Variants in STK4 observed in about 807,000 individuals in gnomAD.
STK4 encodes the protein serine/threonine kinase 4, also known as serine/threonine-protein kinase 4.
In STK4, 30 loss-of-function variants were observed where a neutral mutation model predicts 64.9. The observed-to-expected ratio is 0.46, with a 90% confidence interval of 0.35 to 0.63. STK4 has a LOEUF of 0.63. Among genes scored for constraint, STK4 ranks in the 20% least tolerant of loss-of-function variants. STK4 has a pLI of 0.01. For missense variants in STK4, 466 were observed against 598.5 expected, an observed-to-expected ratio of 0.78 and a Z score of 2.31; for synonymous variants, 177 against 199.0, an observed-to-expected ratio of 0.89 and a Z score of 0.93.
chr20:45,006,874 T>C (rs910401095), intron 9 of STK4, among the ~76,000 whole-genome samples: 3 of 152,218 alleles, frequency 2.0e-5, no homozygotes, highest in African/African-American at 7.2e-5. Flanking sequence ...TTAACAGGTA[T>C]GTCTTGCCTT....
chr20:45,002,821 A>G (rs910437760), intron 9 of STK4, among the ~76,000 whole-genome samples: 1 of 152,156 alleles, frequency 6.6e-6, no homozygotes, highest in Non-Finnish European at 1.5e-5. Flanking sequence ...AGTAAGGGGT[A>G]AAAAAGATTC....
At chr20:44,978,387 CT>C in intron 2 of STK4, 55 bp from the exon 3 acceptor site, 2 of 1,572,438 alleles carry the variant, frequency 1.3e-6, no homozygotes, top group East Asian at 4.6e-5. Flanking sequence ...TTTACCACTT[CT>C]TATATCTTGG....
intron 10 of STK4, among the ~76,000 whole-genome samples, chr20:45,030,963 G>A (rs1264271970): frequency 6.6e-6 from 1 of 152,132 alleles, no homozygotes; most frequent in Admixed American, 6.5e-5. Context: ...TTGGGAGGCT[G>A]AGGTGGAAGG....
chr20:45,042,026 C>T (rs1159243137), intron 10 of STK4, among the ~76,000 whole-genome samples: 1 of 152,152 alleles, frequency 6.6e-6, no homozygotes, highest in African/African-American at 2.4e-5. Flanking sequence ...AGAAAAACAA[C>T]TGTAACTTCA....
At chr20:45,072,886 T>C (rs1051466888) in intron 10 of STK4, among the ~76,000 whole-genome samples, 1 of 152,240 alleles carries the variant, frequency 6.6e-6, no homozygotes, top group African/African-American at 2.4e-5. Flanking sequence ...ATTTGTGGAA[T>C]ATTTACTATC....
At chr20:44,980,720 G>A (rs906896931) in intron 3 of STK4, among the ~76,000 whole-genome samples, 5 of 152,198 alleles carry the variant, frequency 3.3e-5, no homozygotes, top group African/African-American at 9.7e-5. Flanking sequence ...CCAGGCTGGA[G>A]TGCAGTGGCG....
At chr20:45,020,647 A>G (rs1254668470) in intron 9 of STK4, among the ~76,000 whole-genome samples, 1 of 152,074 alleles carries the variant, frequency 6.6e-6, no homozygotes, top group African/African-American at 2.4e-5. Flanking sequence ...TAGGCAGGCA[A>G]TTCTGGTCTG....
At chr20:44,974,862 G>A (rs945637734) in intron 2 of STK4, 3 of 152,200 alleles carry the variant, frequency 2.0e-5, no homozygotes, top group Non-Finnish European at 2.9e-5. Context: ...AAAAACTGTT[G>A]GATTCTGGAG....
In STK4 at chr20:44,987,256, A is replaced by G. The variant is rs2067545836; in HGVS notation, c.485A>G (p.His162Arg). Residue 162 changes from histidine (H) to arginine (R), a missense_variant, in exon 5 of 11, where the codon CAT (histidine) becomes CGT (arginine). Around this residue, in one of 2 missense-constraint regions of STK4, gnomAD observed 190 missense variants for 289.7 expected, o/e 0.66. Transcript: ENST00000372806. ...AATATTTTGCTAAATACAGAAGGAC[A>G]TGCAAAACTTGCAGATTTTGGGGTA... ...AGNILLNTEG[H>R]AKLADFGVAG... 6.2e-7 allele frequency: 1 copy of G among 1,610,380 alleles called. No homozygotes were observed. The highest frequency in any genetic ancestry group is 8.5e-7 in the Non-Finnish European group (1 of 1,179,062).
chr20:45,059,357 C>T (rs929317352), intron 10 of STK4, among the ~76,000 whole-genome samples: 1 of 152,172 alleles, frequency 6.6e-6, no homozygotes, highest in African/African-American at 2.4e-5. Flanking sequence ...ATCATGGTTT[C>T]TCTTCGGCAT....
chr20:45,057,122 G>A (rs755269200), intron 10 of STK4, among the ~76,000 whole-genome samples: 27 of 152,174 alleles, frequency 1.8e-4, no homozygotes, highest in Non-Finnish European at 3.2e-4. Context: ...CTCCCAAAAC[G>A]TTAGGATAGG....
intron 10 of STK4, among the ~76,000 whole-genome samples, chr20:45,053,602 G>C (rs989234418): frequency 6.6e-6 from 1 of 152,186 alleles, no homozygotes; most frequent in African/African-American, 2.4e-5. Context: ...CTGTTCCATA[G>C]TTAACTTCTG....
intron 10 of STK4, among the ~76,000 whole-genome samples, chr20:45,049,430 A>G (rs1363215035): frequency 1.3e-5 from 2 of 152,222 alleles, no homozygotes; most frequent in African/African-American, 4.8e-5. Flanking sequence ...CACATTGGGA[A>G]GAAATGTTCC....
intron 9 of STK4, among the ~76,000 whole-genome samples, chr20:45,007,524 G>A (rs1489845279): frequency 2.0e-5 from 3 of 150,982 alleles, no homozygotes; most frequent in Non-Finnish European, 2.9e-5. Context: ...TCCAGCCCGG[G>A]TGACAGAGCG....
At position 44,987,183 on chromosome 20, in the gene STK4, G is replaced by A. The variant is rs2083521233; in HGVS notation, c.412G>A (p.Glu138Lys). The change falls in exon 5 of 11, where the codon GAA (glutamate) becomes AAA (lysine). Residue 138 changes from glutamate (E) to lysine (K), a missense_variant. Transcript: ENST00000372806. ...TILQSTLKGL[E>K]YLHFMRKIHR... ...ATTACAATCAACTCTTAAGGGACTT[G>A]AATACCTTCATTTTATGAGAAAAAT... The A allele has an allele frequency of 6.2e-7, 1 of 1,610,944 alleles. No homozygotes were observed. Among genetic ancestry groups the A allele is most frequent in the Non-Finnish European group, 8.5e-7 (1 of 1,178,446 alleles).
chr20:45,028,116 A>G (rs993499556), intron 10 of STK4, among the ~76,000 whole-genome samples: 1 of 152,128 alleles, frequency 6.6e-6, no homozygotes, highest in Non-Finnish European at 1.5e-5. Flanking sequence ...TTTCTTTTGG[A>G]TATATGCCCA....
chr20:45,045,019 TGTATTAA>T (rs1384917705), intron 10 of STK4, among the ~76,000 whole-genome samples: 1 of 152,298 alleles, frequency 6.6e-6, no homozygotes, highest in Non-Finnish European at 1.5e-5. Context: ...CGGTTCATTG[TGTATTAA>T]GTATTATCAC....
intron 10 of STK4, among the ~76,000 whole-genome samples, chr20:45,072,143 G>A (rs1366511118): frequency 6.6e-6 from 1 of 152,148 alleles, no homozygotes; most frequent in Non-Finnish European, 1.5e-5. Flanking sequence ...TGGGGCTCAG[G>A]AATCTGTGTT....
At chr20:45,063,992 G>T (rs6031966) in intron 10 of STK4, among the ~76,000 whole-genome samples, 66,111 of 151,606 alleles carry the variant, frequency 0.44, 15,001 homozygotes, top group Middle Eastern at 0.54. Context: ...TATGTTTTAG[G>T]AGAGACGGGG....
Sources: gnomAD v4.1 joint callset for allele counts (sites outside exome capture counted in the v4.1 genomes callset) on GRCh38, gnomAD v4.1.1 for gene constraint, gnomAD v4.1.1 regional missense constraint, MANE v1.5 for transcripts, NCBI Gene and HGNC (gene_info 2026-07-23, HGNC 2026-07-21) for gene names.